CACNA1A: variants seen among roughly 807,000 people sequenced by gnomAD.
CACNA1A encodes voltage-dependent P/Q-type calcium channel subunit alpha-1A.
Under a neutral mutation model 262.4 loss-of-function variants are expected in CACNA1A, and 57 were observed. That is an observed-to-expected ratio of 0.22 (90% CI 0.18 to 0.27). The LOEUF is 0.27. CACNA1A is among the 10% of genes least tolerant of loss of function. The pLI is 1.00. For missense variants in CACNA1A, 2,526 were observed against 3,562.8 expected (o/e 0.71, Z 7.41); for synonymous variants, 1,431 against 1,419.3 (o/e 1.01, Z -0.18).
At chr19:13,234,088 G>A (rs2055773632) in intron 34 of CACNA1A, among the ~76,000 whole-genome samples, 1 of 140,176 alleles carries the variant, frequency 7.1e-6, no homozygotes, top group Admixed American at 7.5e-5. Context: ...GGTGGCTCAC[G>A]CCTGTAATCC....
Position 13,308,251 on chromosome 19 carries a change from C to T in CACNA1A, c.1782G>A (p.Lys594=), listed in dbSNP as rs756972061. The T allele has an allele frequency of 1.4e-5, 22 of 1,611,524 alleles. No individual in the cohort carries two copies. The highest frequency in any genetic ancestry group is 1.8e-5 in the Non-Finnish European group (21 of 1,178,478). Residue 594 remains lysine (K), a splice_region_variant and synonymous_variant, in exon 14 of 47, where the codon AAG becomes AAA. Transcript: ENST00000360228. This position sits in a 1 kb window ranked among gnomAD's most constrained non-coding sequence, Gnocchi z 4.2. ...CCAGGTTTCTGAGAGATGCCCAGTA[C>T]CTGCCGACAGAGGCCAGGCGAGGAC... is the stretch of plus-strand genomic sequence containing the variant. ...LRLLRIFKVT[K]YWASLRNLVV... is the part of the protein sequence containing the mutation.
At chr19:13,227,643 C>T in intron 36 of CACNA1A, 116 bp from the exon 37 acceptor site, 1 of 414,892 alleles carries the variant, frequency 2.4e-6, no homozygotes, top group Non-Finnish European at 4.4e-6. Flanking sequence ...AAAAAGAAAT[C>T]CACACGAGCC....
At chr19:13,232,252 A>G (rs1444021468) in intron 34 of CACNA1A, among the ~76,000 whole-genome samples, 1 of 138,960 alleles carries the variant, frequency 7.2e-6, no homozygotes, top group Admixed American at 7.7e-5. Context: ...GTTGGAGTGT[A>G]GTGGCACAAT....
chr19:13,432,810 T>C (rs576368835), intron 3 of CACNA1A, among the ~76,000 whole-genome samples: 36 of 152,226 alleles, frequency 2.4e-4, no homozygotes, highest in Middle Eastern at 3.4e-3. Flanking sequence ...AATGTAAACA[T>C]ATATCAGAAC....
intron 3 of CACNA1A, among the ~76,000 whole-genome samples, chr19:13,412,400 A>C (rs1206394530): frequency 1.3e-5 from 2 of 152,038 alleles, no homozygotes; most frequent in African/African-American, 4.8e-5. Context: ...TGATAATATA[A>C]GATACAAACA....
intron 3 of CACNA1A, among the ~76,000 whole-genome samples, chr19:13,404,761 G>A (rs1054501999): frequency 3.3e-5 from 5 of 152,148 alleles, no homozygotes; most frequent in African/African-American, 1.2e-4. Flanking sequence ...CCCAGGGGTG[G>A]GTCATGATGC....
At chr19:13,445,602 A>G (rs1213026418) in intron 3 of CACNA1A, among the ~76,000 whole-genome samples, 2 of 152,342 alleles carry the variant, frequency 1.3e-5, no homozygotes, top group East Asian at 3.9e-4. Flanking sequence ...GGTGAGGTTC[A>G]CAGTCTCTTT....
intron 31 of CACNA1A, among the ~76,000 whole-genome samples, chr19:13,242,059 C>T (rs895504914): frequency 7.9e-5 from 12 of 152,142 alleles, no homozygotes; most frequent in Admixed American, 6.6e-4. Context: ...GACCTCCTTG[C>T]CTGCCAGGAC....
In CACNA1A at chr19:13,287,025, G is replaced by A. The variant is rs1037221729; in HGVS notation, c.3090-59C>T. The A allele has an allele frequency of 2.3e-5, 30 of 1,331,318 alleles. No individual in the cohort carries two copies. The Admixed American group carries it at 6.8e-4, about 30-fold the overall frequency. The allele number at this position is 1,331,318 out of a possible 1,614,324, so 82.5% of individuals were successfully genotyped here. On this transcript the variant is annotated intron_variant, in intron 19 of 46. Coordinates refer to ENST00000360228, the MANE Select transcript of CACNA1A (RefSeq NM_001127222.2). ...AACTGATTTAGGATAAAAGGCAACA[G>A]TTCAGGATCCTAGCTAAGATTCCAT...
intron 6 of CACNA1A, among the ~76,000 whole-genome samples, chr19:13,351,823 T>A (rs12459234): frequency 0.44 from 67,348 of 151,624 alleles, 16,157 homozygotes; most frequent in Non-Finnish European, 0.54. Context: ...AAAAAAAAAA[T>A]TTTTTTAAGA....
At position 13,308,114 on chromosome 19, in the gene CACNA1A, A is replaced by G. The variant is rs2057946381; in HGVS notation, c.1913+6T>C. On this transcript the variant is annotated splice_donor_region_variant and intron_variant, in intron 14 of 46. Transcript: ENST00000360228. The surrounding 1 kb of genome is among the most constrained non-coding windows in gnomAD (Gnocchi z 4.2). ...CCAGGAGTTGGAATTCCTGTGAAGG[A>G]CTTACTGGCCGCCGAAGAGTTGCAT... 1.2e-6 allele frequency: 2 copies of G among 1,613,740 alleles called. No homozygotes were observed. Among genetic ancestry groups the G allele is most frequent in the Admixed American group, 3.3e-5 (2 of 59,988 alleles).
chr19:13,254,994 G>A (rs1298527208), intron 29 of CACNA1A, 101 bp downstream of exon 29: 8 of 1,225,604 alleles, frequency 6.5e-6, no homozygotes, highest in Admixed American at 1.9e-5. Context: ...GATCCAGAGT[G>A]TGGTCTGTCT....
chr19:13,418,400 G>C (rs1397627138), intron 3 of CACNA1A, among the ~76,000 whole-genome samples: 1 of 152,156 alleles, frequency 6.6e-6, no homozygotes, highest in Non-Finnish European at 1.5e-5. Context: ...GGGTTGAACA[G>C]TGAACCCTCC....
chr19:13,207,670 G>A lies in CACNA1A; in HGVS notation c.7164C>T (p.Ala2388=). The change falls in exon 47 of 47, where the codon GCC becomes GCT. Residue 2388 remains alanine, a synonymous_variant. Transcript: ENST00000360228. This position sits in a 1 kb window ranked among gnomAD's most constrained non-coding sequence, Gnocchi z 5.7. ...ESPRACRHGG[A]RWPASGPHVS... is the part of the protein sequence containing the mutation. ...CGTGCGGGCCAGATGCCGGCCACCG[G>A]GCCCCGCCGTGTCGACAGGCCCTGG... 7.0e-7 allele frequency: 1 copy of A among 1,432,412 alleles called. No individual in the cohort carries two copies. Among genetic ancestry groups the A allele is most frequent in the Non-Finnish European group, 9.2e-7 (1 of 1,092,158 alleles). 88.7% of individuals were successfully genotyped at this position (1,432,412 alleles called of 1,614,324 possible).
chr19:13,334,597 G>GTGTT (rs1555767636), intron 7 of CACNA1A, 104 bp from the exon 8 acceptor site: 2,133 of 209,800 alleles, frequency 0.01, 7 homozygotes, highest in African/African-American at 0.025. Flanking sequence ...GTGTGTTTGT[G>GTGTT]TGTGTGTGTG....
rs561301072 is a variant in CACNA1A, at chr19:13,230,192, G to A, written c.5418C>T (p.Val1806=). 6.2e-6 allele frequency: 10 copies of A among 1,613,846 alleles called. No homozygotes were observed. The East Asian group carries it at 6.7e-5, about 11-fold the overall frequency. Residue 1806 remains valine (V), a synonymous_variant, in exon 36 of 47, where the codon GTC becomes GTT. Transcript: ENST00000360228. ...LCSFLMLNLF[V]AVIMDNFEYL... is the part of the protein sequence containing the mutation. Reference sequence around the variant, plus strand: ...ACTCAAAGTTGTCCATGATGACGGCGACAAAGAGATTCAGCATCTGTGGGG... The same window carrying A: ...ACTCAAAGTTGTCCATGATGACGGCAACAAAGAGATTCAGCATCTGTGGGG...
intron 1 of CACNA1A, among the ~76,000 whole-genome samples, chr19:13,461,992 T>A (rs1443351450): frequency 1.3e-5 from 2 of 152,184 alleles, no homozygotes; most frequent in Non-Finnish European, 2.9e-5. Context: ...AGGCTGTATG[T>A]GACCCTGGAA....
At chr19:13,257,824 G>C (rs1194988504) in intron 27 of CACNA1A, 1 of 223,804 alleles carries the variant, frequency 4.5e-6, no homozygotes, top group Non-Finnish European at 8.7e-6. Context: ...TACAACCTCC[G>C]CCTCCCGGGT....
At chr19:13,245,141 C>T (rs1329319609) in intron 31 of CACNA1A, 41 bp downstream of exon 31, 5 of 1,535,886 alleles carry the variant, frequency 3.3e-6, no homozygotes, top group Non-Finnish European at 3.6e-6. Context: ...CTGCCTCGTC[C>T]AGCCCAGAGT....
Sources: allele counts gnomAD v4.1 joint callset (sites outside exome capture counted in the v4.1 genomes callset), GRCh38; gene constraint gnomAD v4.1.1; non-coding constraint Gnocchi (gnomAD v3.1); transcripts MANE v1.5; gene names NCBI Gene and HGNC (gene_info 2026-07-23, HGNC 2026-07-21).